Variants in PCDHGB1 observed in about 807,000 individuals in gnomAD.
The protein encoded by PCDHGB1 is protocadherin gamma-B1.
In PCDHGB1, 34 loss-of-function variants were observed where a neutral mutation model predicts 56.6. That is an observed-to-expected ratio of 0.60 (90% CI 0.46 to 0.80). PCDHGB1 has a LOEUF of 0.80. Among genes scored for constraint, PCDHGB1 ranks in the 30% least tolerant of loss-of-function variants. The pLI is 0.00. For missense variants in PCDHGB1, 1,278 were observed against 1,204.6 expected (o/e 1.06, Z -0.90); for synonymous variants, 561 against 505.9 (o/e 1.11, Z -1.46).
chr5:141,466,415 C>T (rs995296505), intron 1 of PCDHGB1, among the ~76,000 whole-genome samples: 6 of 152,136 alleles, frequency 3.9e-5, no homozygotes, highest in Non-Finnish European at 8.8e-5. Context: ...ATTTTTCAGT[C>T]AGAATTGTGT....
chr5:141,475,929 C>A, intron 1 of PCDHGB1: 1 of 634,624 alleles, frequency 1.6e-6, no homozygotes, highest in Non-Finnish European at 2.7e-6. Context: ...GGAGATCGGG[C>A]CCCTGCCCGT....
Position 141,352,001 on chromosome 5 carries a change from G to T in PCDHGB1, c.1741G>T (p.Gly581Cys), listed in dbSNP as rs1036324795. The T allele has an allele frequency of 3.1e-6, 5 of 1,610,532 alleles. No homozygotes were observed. Among genetic ancestry groups the T allele is most frequent in the African/African-American group, 1.3e-5 (1 of 74,890 alleles). The change falls in exon 1 of 4, where the codon GGC (glycine) becomes TGC (cysteine). Residue 581 changes from glycine to cysteine, a missense_variant. Transcript: ENST00000523390. Reference protein sequence around the residue: ...FDMVPRAAEPGYLVTKVVAVD... With the variant: ...FDMVPRAAEPCYLVTKVVAVD... ...TATGGTGCCACGCGCCGCAGAGCCC[G>T]GCTACCTGGTGACCAAGGTGGTGGC...
intron 1 of PCDHGB1, chr5:141,393,292 C>T: frequency 6.2e-7 from 1 of 1,613,946 alleles, no homozygotes; most frequent in Non-Finnish European, 8.5e-7. Context: ...GCTGTTGACC[C>T]GGATGTGGGC....
intron 1 of PCDHGB1, chr5:141,414,124 G>T (rs1214312992): frequency 6.3e-7 from 1 of 1,592,872 alleles, no homozygotes; most frequent in East Asian, 2.3e-5. Flanking sequence ...TGAAGAAACC[G>T]GTTTCTATGA....
chr5:141,500,173 T>G (rs1666567886), intron 2 of PCDHGB1, among the ~76,000 whole-genome samples: 1 of 149,340 alleles, frequency 6.7e-6, no homozygotes, highest in East Asian at 1.9e-4. Context: ...ATGCATGAGC[T>G]TCATTTTTAT....
chr5:141,431,389 G>T lies in PCDHGB1; in HGVS notation c.2410-63418G>T, dbSNP rs1213370298. 1 of 1,613,876 alleles carries T rather than the reference G, an allele frequency of 6.2e-7. No homozygotes were observed. Among genetic ancestry groups the T allele is most frequent in the Admixed American group, 1.7e-5 (1 of 60,028 alleles). On this transcript the variant is annotated intron_variant, in intron 1 of 3. Transcript: ENST00000523390. This position sits in a 1 kb window ranked among gnomAD's most constrained non-coding sequence, Gnocchi z 4.8. ...GCGAAGAAAAGGCTGCTCACCACCT[G>T]GTCCTTACGGCCTCCGACGGGGGCG...
Position 141,485,337 on chromosome 5 carries a change from A to G in PCDHGB1, c.2410-9470A>G, listed in dbSNP as rs147409155. On this transcript the variant is annotated intron_variant, in intron 1 of 3. Transcript: ENST00000523390. The surrounding 1 kb of genome is among the most constrained non-coding windows in gnomAD (Gnocchi z 5.7). ...AATGTCGCTCAAGATTTCCTGCTGG[A>G]TACGGACAGTCTGTCAGCTCGCAGG... 4.3e-5 allele frequency: 70 copies of G among 1,614,012 alleles called. No individual in the cohort carries two copies. Among genetic ancestry groups the G allele is most frequent in the Non-Finnish European group, 5.7e-5 (67 of 1,180,016 alleles).
chr5:141,362,014 C>A lies in PCDHGB1; in HGVS notation c.2409+9345C>A, dbSNP rs748394772. On this transcript the variant is annotated intron_variant, in intron 1 of 3. Transcript: ENST00000523390. ...CCTGGGGTTGCGCACGGGTGAGGTG[C>A]GCACAGCGCGTGCCTTGGGCGACAG... 16 of 1,606,054 alleles carry A rather than the reference C, an allele frequency of 1.0e-5. No individual in the cohort carries two copies. The highest frequency in any genetic ancestry group is 3.4e-5 in the Admixed American group (2 of 59,616).
At chr5:141,473,988 G>C (rs1006988447) in intron 1 of PCDHGB1, among the ~76,000 whole-genome samples, 8 of 152,118 alleles carry the variant, frequency 5.3e-5, no homozygotes, top group Non-Finnish European at 4.4e-5. Context: ...AGGATCCCTT[G>C]AGCCCAAGGA....
chr5:141,372,772 A>C (rs1359362991), intron 1 of PCDHGB1: 2 of 1,611,080 alleles, frequency 1.2e-6, no homozygotes, highest in Non-Finnish European at 1.7e-6. Flanking sequence ...AGTAATGACA[A>C]TCCAGAAATG....
intron 1 of PCDHGB1, chr5:141,385,151 A>T: frequency 6.2e-7 from 1 of 1,614,224 alleles, no homozygotes; most frequent in Non-Finnish European, 8.5e-7. Context: ...GCTTTCCTGC[A>T]GACCTATTCC....
intron 1 of PCDHGB1, chr5:141,367,307 G>A (rs540487021): frequency 1.3e-5 from 2 of 152,792 alleles, no homozygotes; most frequent in Non-Finnish European, 2.9e-5. Flanking sequence ...GGGAGGCTGA[G>A]GTGGGCGGAT....
intron 3 of PCDHGB1, among the ~76,000 whole-genome samples, chr5:141,507,521 C>G (rs2099861196): frequency 6.6e-6 from 1 of 151,972 alleles, no homozygotes; most frequent in African/African-American, 2.4e-5. Flanking sequence ...GGCTATGATT[C>G]CAGAGAGGCC....
intron 1 of PCDHGB1, chr5:141,441,249 TA>T (rs981387539): frequency 6.6e-6 from 1 of 152,206 alleles, no homozygotes; most frequent in Non-Finnish European, 1.5e-5. Context: ...ACAAGATCTT[TA>T]AATCACAAGA....
At chr5:141,505,353 G>A (rs376781305) in intron 2 of PCDHGB1, 40 bp from the exon 3 acceptor site, 51 of 1,613,426 alleles carry the variant, frequency 3.2e-5, no homozygotes, top group East Asian at 2.7e-4. Flanking sequence ...GAGCTGTGCC[G>A]GCCTGGGAGT....
At chr5:141,418,136 G>C (rs1218707482) in intron 1 of PCDHGB1, 15 of 1,613,984 alleles carry the variant, frequency 9.3e-6, no homozygotes, top group Non-Finnish European at 1.1e-5. Flanking sequence ...AATAGACCGT[G>C]AGCAAATATG....
At chr5:141,492,168 A>C (rs1426223836) in intron 1 of PCDHGB1, among the ~76,000 whole-genome samples, 1 of 152,108 alleles carries the variant, frequency 6.6e-6, no homozygotes, top group African/African-American at 2.4e-5. Context: ...CTATCCCCGC[A>C]TCACCCAACC....
intron 1 of PCDHGB1, chr5:141,427,514 G>A (rs1193674497): frequency 1.7e-6 from 1 of 595,712 alleles, no homozygotes; most frequent in Non-Finnish European, 3.2e-6. Context: ...CCCTGGATTG[G>A]GAGCGGATCC....
Position 141,431,135 on chromosome 5 carries a change from A to C in PCDHGB1, c.2410-63672A>C. ...TGGAGTAGAAGTAGAAGTAAGGGAC[A>C]TTAACGACAATGCGCCTTACTTTCG... On this transcript the variant is annotated intron_variant, in intron 1 of 3. Coordinates refer to ENST00000523390, the MANE Select transcript of PCDHGB1 (RefSeq NM_018922.3). The surrounding 1 kb of genome is among the most constrained non-coding windows in gnomAD (Gnocchi z 4.8). 1 of 1,614,266 alleles carries C rather than the reference A, an allele frequency of 6.2e-7. No homozygotes were observed. Among genetic ancestry groups the C allele is most frequent in the Non-Finnish European group, 8.5e-7 (1 of 1,180,042 alleles).
Sources: allele counts gnomAD v4.1 joint callset (sites outside exome capture counted in the v4.1 genomes callset), GRCh38; gene constraint gnomAD v4.1.1; non-coding constraint Gnocchi (gnomAD v3.1); transcripts MANE v1.5; gene names NCBI Gene and HGNC (gene_info 2026-07-23, HGNC 2026-07-21).